LNPK: variants seen among roughly 807,000 people sequenced by gnomAD.
The protein encoded by LNPK is lunapark, ER junction formation factor.
A neutral mutation model predicts 55.2 loss-of-function variants in LNPK; 29 were observed. That is an observed-to-expected ratio of 0.53 (90% CI 0.39 to 0.72). The LOEUF (loss-of-function observed/expected upper bound fraction) is 0.72. LNPK is among the 30% of genes least tolerant of loss of function. LNPK has a pLI of 0.00. For missense variants in LNPK, 467 were observed against 494.8 expected (o/e 0.94, Z 0.53); for synonymous variants, 162 against 168.2 (o/e 0.96, Z 0.29).
intron 1 of LNPK, among the ~76,000 whole-genome samples, chr2:176,001,041 T>G (rs868429273): frequency 6.6e-6 from 1 of 152,238 alleles, no homozygotes; most frequent in South Asian, 2.1e-4. Flanking sequence ...TTCTTGTTTA[T>G]ATAACATATA....
chr2:175,951,607 A>ATATCTATATAGATATATATC (rs1553501590), intron 8 of LNPK, among the ~76,000 whole-genome samples: 1 of 121,718 alleles, frequency 8.2e-6, no homozygotes, highest in Admixed American at 8.2e-5. Flanking sequence ...ATATATATAT[A>ATATCTATATAGATATATATC]TATCTCAGTT....
At chr2:175,971,564 TAATTA>T (rs1686664752) in intron 5 of LNPK, among the ~76,000 whole-genome samples, 1 of 151,640 alleles carries the variant, frequency 6.6e-6, no homozygotes, top group Non-Finnish European at 1.5e-5. Context: ...TCTTAATACT[TAATTA>T]AATTTATAAA....
chr2:175,935,655 T>G (rs978833371), intron 12 of LNPK: 30 of 260,688 alleles, frequency 1.2e-4, no homozygotes, highest in Middle Eastern at 1.8e-3. Context: ...GTTTTTAGCA[T>G]TATGGAGTTA....
chr2:175,987,927 C>T (rs1408512200), intron 4 of LNPK, among the ~76,000 whole-genome samples: 1 of 152,086 alleles, frequency 6.6e-6, no homozygotes, highest in Admixed American at 6.5e-5. Context: ...ATTTTAAAAG[C>T]TCAATATTCA....
chr2:175,956,941 A>G (rs1474158822), intron 8 of LNPK, among the ~76,000 whole-genome samples: 1 of 152,194 alleles, frequency 6.6e-6, no homozygotes, highest in Non-Finnish European at 1.5e-5. Context: ...AGAATCCTGC[A>G]TTAAATTTAT....
intron 4 of LNPK, among the ~76,000 whole-genome samples, chr2:175,987,058 C>CA (rs1283477197): frequency 6.6e-6 from 1 of 150,816 alleles, no homozygotes; most frequent in East Asian, 1.9e-4. Flanking sequence ...TGGAAGCTCT[C>CA]AAAGAATCAA....
chr2:175,991,958 G>T (rs1406539476), intron 4 of LNPK, among the ~76,000 whole-genome samples: 1 of 152,070 alleles, frequency 6.6e-6, no homozygotes. Flanking sequence ...GCCCTTCGGG[G>T]AGCATGGTCA....
At chr2:175,934,673 C>G (rs1442959968) in intron 12 of LNPK, among the ~76,000 whole-genome samples, 1 of 151,548 alleles carries the variant, frequency 6.6e-6, no homozygotes, top group Non-Finnish European at 1.5e-5. Flanking sequence ...ACTGATAAAC[C>G]ACCTTAATGT....
At chr2:175,949,188 A>G (rs1456900049) in intron 8 of LNPK, among the ~76,000 whole-genome samples, 1 of 152,134 alleles carries the variant, frequency 6.6e-6, no homozygotes, top group Non-Finnish European at 1.5e-5. Flanking sequence ...CATTATATAA[A>G]TGGAACCATC....
chr2:175,936,327 C>T (rs965891581), intron 12 of LNPK, among the ~76,000 whole-genome samples: 56 of 152,122 alleles, frequency 3.7e-4, no homozygotes, highest in African/African-American at 1.3e-3. Context: ...TATCGATACT[C>T]AAATCCCATA....
intron 12 of LNPK, among the ~76,000 whole-genome samples, chr2:175,931,935 C>T (rs1351141571): frequency 1.3e-5 from 2 of 152,130 alleles, no homozygotes; most frequent in Admixed American, 6.5e-5. Flanking sequence ...GAATGTTAAG[C>T]GTCATGGTTT....
intron 8 of LNPK, among the ~76,000 whole-genome samples, chr2:175,948,928 T>C (rs1215484925): frequency 2.0e-5 from 3 of 152,132 alleles, no homozygotes; most frequent in Non-Finnish European, 4.4e-5. Context: ...TTACTTAACT[T>C]TGATAAACCT....
In LNPK at chr2:175,942,193, T is replaced by C. The variant is rs1174334945; in HGVS notation, c.707-2536A>G. ...GGTAAATATATAAGACTTTTTATTA[T>C]TTAAATCACCTTAAAAGATAACTGA... is the stretch of plus-strand genomic sequence containing the variant. On this transcript the variant is annotated intron_variant, in intron 9 of 12. Transcript: ENST00000272748. Among the ~76,000 whole-genome samples, 3 of 152,194 alleles carry C rather than the reference T, an allele frequency of 2.0e-5. No homozygotes were observed. In the East Asian group the frequency reaches 5.8e-4, roughly 29 times the overall value.
At chr2:175,972,442 A>T (rs960517497) in intron 5 of LNPK, among the ~76,000 whole-genome samples, 2 of 152,124 alleles carry the variant, frequency 1.3e-5, no homozygotes, top group African/African-American at 4.8e-5. Context: ...TCATGTTGGC[A>T]TTCAAAAAAT....
At chr2:175,982,770 G>A (rs776913014) in intron 4 of LNPK, among the ~76,000 whole-genome samples, 7 of 151,984 alleles carry the variant, frequency 4.6e-5, no homozygotes, top group African/African-American at 7.3e-5. Context: ...CCCAACAAAG[G>A]TTTTGCTCTC....
intron 2 of LNPK, 40 bp downstream of exon 2, chr2:175,995,518 T>C: frequency 1.3e-6 from 2 of 1,527,386 alleles, no homozygotes; most frequent in Middle Eastern, 3.5e-4. Context: ...GACACTTTTA[T>C]ATTAGACTCA....
Position 175,992,431 on chromosome 2 carries a change from A to C in LNPK, c.70-13T>G. 1 of 1,432,298 alleles carries C rather than the reference A, an allele frequency of 7.0e-7. No individual in the cohort carries two copies. 88.7% of individuals were successfully genotyped at this position (1,432,298 alleles called of 1,614,324 possible). ...ATGCTTGAATTTCCTGTTAAGAGAAAATTATTCCATGTTAGTAAATTTCAA... is the reference window on the plus strand; with the variant it reads ...ATGCTTGAATTTCCTGTTAAGAGAACATTATTCCATGTTAGTAAATTTCAA... On this transcript the variant is annotated splice_polypyrimidine_tract_variant and intron_variant, in intron 3 of 12. Transcript: ENST00000272748.
At chr2:175,944,470 T>G (rs993828393) in intron 9 of LNPK, among the ~76,000 whole-genome samples, 4 of 151,986 alleles carry the variant, frequency 2.6e-5, no homozygotes, top group Non-Finnish European at 5.9e-5. Flanking sequence ...CTCTGAAAAC[T>G]GAAAGAGAAC....
At chr2:175,967,615 G>A in intron 6 of LNPK, 2 of 981,678 alleles carry the variant, frequency 2.0e-6, no homozygotes, top group Non-Finnish European at 2.4e-6. Context: ...TAGGGAGCAT[G>A]TTATACCATA....
Sources: gnomAD v4.1 joint callset for allele counts (sites outside exome capture counted in the v4.1 genomes callset) on GRCh38, gnomAD v4.1.1 for gene constraint, MANE v1.5 for transcripts, NCBI Gene and HGNC (gene_info 2026-07-23, HGNC 2026-07-21) for gene names.